Variants in EVC2 observed in about 807,000 individuals in gnomAD.
EVC2 encodes the protein limbin.
In EVC2, 148 loss-of-function variants were observed where a neutral mutation model predicts 149.3. The ratio of observed to expected loss-of-function variants is 0.99; its 90% CI spans 0.87 to 1.14. EVC2 has a LOEUF of 1.14. Ranked by LOEUF, EVC2 falls within the 50% of genes most tolerant of loss-of-function variation. EVC2 has a pLI of 0.00. For synonymous variants in EVC2, 776 were observed against 649.9 expected, an observed-to-expected ratio of 1.19 and a Z score of -2.95; for missense variants, 1,854 against 1,627.3, an observed-to-expected ratio of 1.14 and a Z score of -2.40.
intron 16 of EVC2, among the ~76,000 whole-genome samples, chr4:5,598,735 A>C (rs1204561590): frequency 1.3e-5 from 2 of 152,196 alleles, no homozygotes; most frequent in African/African-American, 2.4e-5. Flanking sequence ...TCATTAAACT[A>C]AAGAGCTTCT....
chr4:5,605,237 C>T lies in EVC2; in HGVS notation c.2829+10185G>A, dbSNP rs74976040. On this transcript the variant is annotated intron_variant, in intron 16 of 21. Transcript: ENST00000344408. ...ACACGAGTTCTACTCATGCACATCACGCGCAGGACTTAGCCGAAGACTTGA... is the reference window on the plus strand; with the variant it reads ...ACACGAGTTCTACTCATGCACATCATGCGCAGGACTTAGCCGAAGACTTGA... 1.4e-3 allele frequency among the ~76,000 whole-genome samples: 218 copies of T among 152,318 alleles called. 1 individual carries two copies. The highest frequency in any genetic ancestry group is 4.4e-3 in the African/African-American group (183 of 41,576).
rs2108764656 is a variant in EVC2, at chr4:5,562,688, TA to T, written c.*159del. On this transcript the variant is annotated 3_prime_UTR_variant, in exon 22 of 22. Transcript: ENST00000344408. This position sits in a 1 kb window ranked among gnomAD's most constrained non-coding sequence, Gnocchi z 4.3. ...CATCTGGAAATTCATGAGACAAGAT[TA>T]AACCGAGTCCCTGCAAGTTGGCATG... is the stretch of plus-strand genomic sequence containing the variant. 3 of 1,497,718 alleles carry T rather than the reference TA, an allele frequency of 2.0e-6. No individual in the cohort carries two copies. In the South Asian group the frequency reaches 4.0e-5, roughly 20 times the overall value. 92.8% of individuals were successfully genotyped at this position (1,497,718 alleles called of 1,614,324 possible).
At chr4:5,547,357 T>A (rs989764087) in intron 21 of EVC2, among the ~76,000 whole-genome samples, 1 of 152,196 alleles carries the variant, frequency 6.6e-6, no homozygotes, top group Admixed American at 6.5e-5. Flanking sequence ...GCGCCATGAA[T>A]GGCAGCAGGA....
intron 21 of EVC2, among the ~76,000 whole-genome samples, chr4:5,551,853 A>G (rs1721745847): frequency 6.6e-6 from 1 of 151,786 alleles, no homozygotes; most frequent in South Asian, 2.1e-4. Flanking sequence ...ATGATTTTTA[A>G]AACAGGAGTT....
the EVC2 span, among the ~76,000 whole-genome samples, chr4:5,536,737 T>C: frequency 6.6e-6 from 1 of 150,428 alleles, no homozygotes; most frequent in East Asian, 2.0e-4. Flanking sequence ...TGAGCAGAGA[T>C]CACGCCACTG....
chr4:5,689,608 T>C (rs1720972152), intron 4 of EVC2, among the ~76,000 whole-genome samples: 1 of 152,136 alleles, frequency 6.6e-6, no homozygotes, highest in Non-Finnish European at 1.5e-5. Flanking sequence ...TTGCAGAGAA[T>C]CTTAGAAGAA....
At chr4:5,609,792 G>A (rs994398179) in intron 16 of EVC2, among the ~76,000 whole-genome samples, 7 of 152,204 alleles carry the variant, frequency 4.6e-5, no homozygotes, top group African/African-American at 1.7e-4. Context: ...TGGTCAGGAG[G>A]TGGTGTGACA....
In EVC2 at chr4:5,665,581, G is replaced by A. The variant is rs1322685892; in HGVS notation, c.939C>T (p.Thr313=). The part of the protein sequence containing the change: ...FIAFLLSLVL[T]WAALFLMVRY... ...GAACCATGAGGAAGAGGGCAGCCCA[G>A]GTCAGCACAAGGGAGAGGAGGAAGG... The change falls in exon 8 of 22, where the codon ACC becomes ACT. Residue 313 remains threonine, a synonymous_variant. Transcript: ENST00000344408. 6.2e-7 allele frequency: 1 copy of A among 1,614,226 alleles called. No individual in the cohort carries two copies. The highest frequency in any genetic ancestry group is 8.5e-7 in the Non-Finnish European group (1 of 1,180,034).
chr4:5,699,818 C>T (rs535499769), intron 1 of EVC2, among the ~76,000 whole-genome samples: 11 of 151,652 alleles, frequency 7.3e-5, no homozygotes, highest in African/African-American at 2.4e-4. Context: ...GTGAGACCCT[C>T]TCTGAAAAAA....
chr4:5,585,485 T>G (rs897825121), intron 16 of EVC2, among the ~76,000 whole-genome samples: 1 of 152,236 alleles, frequency 6.6e-6, no homozygotes, highest in Non-Finnish European at 1.5e-5. Flanking sequence ...CAGGGTTTAC[T>G]TGACCTCAGG....
chr4:5,692,424 A>G (rs1178322824), intron 3 of EVC2, among the ~76,000 whole-genome samples: 1 of 152,164 alleles, frequency 6.6e-6, no homozygotes, highest in African/African-American at 2.4e-5. Flanking sequence ...ATAGATGAGG[A>G]AACTAAGACT....
At chr4:5,634,837 G>T (rs1362850872) in intron 10 of EVC2, among the ~76,000 whole-genome samples, 1 of 152,026 alleles carries the variant, frequency 6.6e-6, no homozygotes, top group African/African-American at 2.4e-5. Flanking sequence ...GGTGTGACAG[G>T]CACTAGGAAC....
At chr4:5,683,897 C>T (rs1001134621) in intron 6 of EVC2, among the ~76,000 whole-genome samples, 12 of 151,728 alleles carry the variant, frequency 7.9e-5, no homozygotes, top group South Asian at 2.1e-4. Flanking sequence ...CACAGCTACA[C>T]GGGAACACAC....
intron 4 of EVC2, among the ~76,000 whole-genome samples, chr4:5,690,116 C>T (rs1386383925): frequency 2.0e-5 from 3 of 152,210 alleles, no homozygotes; most frequent in Non-Finnish European, 4.4e-5. Context: ...AAAGAAGGTA[C>T]ATCTATGTAT....
At chr4:5,564,417 T>C (rs556174245) in intron 21 of EVC2, among the ~76,000 whole-genome samples, 3 of 152,346 alleles carry the variant, frequency 2.0e-5, no homozygotes, top group Non-Finnish European at 4.4e-5. Flanking sequence ...AATATCCTGA[T>C]CTAACTTATC....
Position 5,593,054 on chromosome 4 carries a change from T to C in EVC2, c.2830-8204A>G, listed in dbSNP as rs147923724. On this transcript the variant is annotated intron_variant, in intron 16 of 21. Transcript: ENST00000344408. ...CTCTTTGCTCTGCAATTCTCCTTGC[T>C]GCTGCCATGTGAAGAAGTATATGTT... is the stretch of plus-strand genomic sequence containing the variant. Among the ~76,000 whole-genome samples, 509 of 152,304 alleles carry C rather than the reference T, an allele frequency of 3.3e-3. 3 individuals carry two copies. Among genetic ancestry groups the C allele is most frequent in the Middle Eastern group, 6.8e-3 (2 of 294 alleles).
chr4:5,647,408 T>G (rs1241135151), intron 9 of EVC2, among the ~76,000 whole-genome samples: 1 of 152,192 alleles, frequency 6.6e-6, no homozygotes. Context: ...CATCTTAGAT[T>G]AAAATAGCTT....
At chr4:5,650,630 T>TAC (rs1477699429) in intron 9 of EVC2, among the ~76,000 whole-genome samples, 6 of 67,922 alleles carry the variant, frequency 8.8e-5, no homozygotes, top group Non-Finnish European at 1.5e-4. Context: ...TATATATATA[T>TAC]ATATATATAG....
chr4:5,560,487 A>G (rs1721917857), downstream of EVC2, among the ~76,000 whole-genome samples: 2 of 152,174 alleles, frequency 1.3e-5, no homozygotes, highest in African/African-American at 4.8e-5. The surrounding 1 kb of genome is among the most constrained non-coding windows in gnomAD (Gnocchi z 4.1). Flanking sequence ...AATGCCAGAT[A>G]CTTATAAAAC....
Sources: gnomAD v4.1 joint callset for allele counts (sites outside exome capture counted in the v4.1 genomes callset) on GRCh38, gnomAD v4.1.1 for gene constraint, Gnocchi (gnomAD v3.1) non-coding constraint, MANE v1.5 for transcripts, NCBI Gene and HGNC (gene_info 2026-07-23, HGNC 2026-07-21) for gene names.